SH3GL3: variants seen among roughly 807,000 people sequenced by gnomAD.
SH3GL3 encodes the protein SH3 domain containing GRB2 like 3, endophilin A3, also known as endophilin-A3.
A neutral mutation model predicts 47.7 loss-of-function variants in SH3GL3; 33 were observed. That is an observed-to-expected ratio of 0.69 (90% confidence interval 0.52 to 0.92). SH3GL3 has a LOEUF of 0.92. SH3GL3 is among the 40% of genes least tolerant of loss of function. The pLI, the probability that SH3GL3 is intolerant of heterozygous loss-of-function variation, is 0.00. For missense variants in SH3GL3, 363 were observed against 417.8 expected (o/e 0.87, Z 1.14); for synonymous variants, 155 against 148.8 (o/e 1.04, Z -0.30).
chr15:83,562,487 A>G (rs2045338139), intron 2 of SH3GL3, among the ~76,000 whole-genome samples: 1 of 152,180 alleles, frequency 6.6e-6, no homozygotes, highest in Non-Finnish European at 1.5e-5. Context: ...GTTATATTTT[A>G]ATTAATATCT....
intron 1 of SH3GL3, among the ~76,000 whole-genome samples, chr15:83,498,883 C>T (rs960125219): frequency 6.6e-6 from 1 of 152,176 alleles, no homozygotes; most frequent in Admixed American, 6.5e-5. Flanking sequence ...TCTGGAGCTA[C>T]TTGGAAGTTT....
chr15:83,589,625 C>A (rs544014567), intron 8 of SH3GL3, among the ~76,000 whole-genome samples: 4 of 152,204 alleles, frequency 2.6e-5, no homozygotes, highest in Non-Finnish European at 5.9e-5. Context: ...AATCCTTCTG[C>A]CTCGGCCTTC....
At chr15:83,565,100 CA>C (rs1428270848) in intron 2 of SH3GL3, 33 bp from the exon 3 acceptor site, 1 of 922,456 alleles carries the variant, frequency 1.1e-6, no homozygotes, top group Non-Finnish European at 1.7e-6. Context: ...TTGAGTTTGT[CA>C]TTTACTAACT....
intron 1 of SH3GL3, among the ~76,000 whole-genome samples, chr15:83,517,195 CTTTTCTTTTCTTTTTTT>C (rs1457920061): frequency 7.8e-6 from 1 of 128,402 alleles, no homozygotes; most frequent in African/African-American, 2.8e-5. Flanking sequence ...TTTTCTTTTT[CTTTTCTTTTCTTTTTTT>C]TTTTTTTTTT....
intron 8 of SH3GL3, among the ~76,000 whole-genome samples, chr15:83,614,570 A>G (rs905660606): frequency 1.3e-5 from 2 of 152,032 alleles, no homozygotes; most frequent in Non-Finnish European, 2.9e-5. Context: ...GTGGTTGTCA[A>G]CCTACCCTGG....
intron 1 of SH3GL3, among the ~76,000 whole-genome samples, chr15:83,517,997 C>T (rs1029819232): frequency 1.3e-5 from 2 of 152,098 alleles, no homozygotes; most frequent in Admixed American, 1.3e-4. Context: ...TGAGAACATG[C>T]AGTATTTGGT....
intron 1 of SH3GL3, among the ~76,000 whole-genome samples, chr15:83,476,844 G>A (rs920267044): frequency 6.6e-6 from 1 of 152,180 alleles, no homozygotes; most frequent in African/African-American, 2.4e-5. Context: ...TATAAGTCTG[G>A]GCAATTGAAG....
chr15:83,588,775 A>C lies in SH3GL3; in HGVS notation c.838+4A>C. On this transcript the variant is annotated splice_donor_region_variant and intron_variant, in intron 8 of 8. Coordinates refer to ENST00000427482, the MANE Select transcript of SH3GL3 (RefSeq NM_003027.5). ...ACCTCTGTAGTGAAGACGACAGGTA[A>C]GTTGACCATTCTAATATGCTAAGTG... 2 of 1,478,640 alleles carry C rather than the reference A, an allele frequency of 1.4e-6. No homozygotes were observed. The highest frequency in any genetic ancestry group is 1.9e-6 in the Non-Finnish European group (2 of 1,056,390). 91.6% of individuals were successfully genotyped at this position (1,478,640 alleles called of 1,614,324 possible). A position where few individuals can be genotyped will look rare whatever the true frequency, so the allele number is the denominator to read the frequency against.
rs376233303 is a variant in SH3GL3 at position 83,507,150 on chromosome 15, C to T, written c.46-52103C>T. ...CCTCCCAAGTAGCTGGGACTACAGG[C>T]GCCCACCACCATGCCTGGCTAATTT... is the stretch of plus-strand genomic sequence containing the variant. On this transcript the variant is annotated intron_variant, in intron 1 of 8. Coordinates refer to ENST00000427482, the MANE Select transcript of SH3GL3 (RefSeq NM_003027.5). Among the ~76,000 whole-genome samples the T allele has an allele frequency of 5.9e-5, 9 of 151,694 alleles. No homozygotes were observed. In the East Asian group the frequency reaches 1.4e-3, roughly 23 times the overall value.
At chr15:83,591,802 C>T (rs995742241) in intron 8 of SH3GL3, among the ~76,000 whole-genome samples, 6 of 152,296 alleles carry the variant, frequency 3.9e-5, no homozygotes, top group African/African-American at 1.2e-4. Flanking sequence ...TCTCCTGCCT[C>T]GGCCCCCCGA....
intron 3 of SH3GL3, among the ~76,000 whole-genome samples, chr15:83,567,381 A>G (rs762986385): frequency 5.3e-5 from 8 of 152,214 alleles, no homozygotes; most frequent in Non-Finnish European, 8.8e-5. Context: ...CCCAGTAACT[A>G]GACTTTGAGC....
chr15:83,567,955 T>G (rs1312457510), intron 3 of SH3GL3, among the ~76,000 whole-genome samples: 2 of 148,282 alleles, frequency 1.3e-5, no homozygotes, highest in Non-Finnish European at 3.0e-5. Context: ...GCCCCATCAT[T>G]TCTTTTTTTT....
chr15:83,581,287 G>A (rs893588101), intron 6 of SH3GL3, among the ~76,000 whole-genome samples: 2 of 152,178 alleles, frequency 1.3e-5, no homozygotes, highest in African/African-American at 4.8e-5. Flanking sequence ...CCAGGGTGTG[G>A]TTGTTCACTG....
At chr15:83,625,935 C>T in the SH3GL3 span, among the ~76,000 whole-genome samples, 6 of 152,026 alleles carry the variant, frequency 3.9e-5, no homozygotes, top group East Asian at 3.9e-4. Context: ...TGGGTTCAAA[C>T]GATTCTCCTG....
In SH3GL3 at chr15:83,447,951, C is replaced by G. The variant is rs529096343; in HGVS notation, c.45+373C>G. 4.5e-4 allele frequency among the ~76,000 whole-genome samples: 69 copies of G among 152,250 alleles called. No homozygotes were observed. The highest frequency in any genetic ancestry group is 1.6e-3 in the African/African-American group (66 of 41,554). On this transcript the variant is annotated intron_variant, in intron 1 of 8. Coordinates refer to ENST00000427482, the MANE Select transcript of SH3GL3 (RefSeq NM_003027.5). This position sits in a 1 kb window ranked among gnomAD's most constrained non-coding sequence, Gnocchi z 5.1. ...AGTACGATGCCGGCAGGGCCTCCCC[C>G]GAGTCTCCAGCCGTTTGGTTGGGAG... is the stretch of plus-strand genomic sequence containing the variant.
chr15:83,513,791 G>A (rs2042871612), intron 1 of SH3GL3, among the ~76,000 whole-genome samples: 1 of 152,164 alleles, frequency 6.6e-6, no homozygotes, highest in Non-Finnish European at 1.5e-5. Flanking sequence ...AGCAACCTGA[G>A]CAGAAAATCA....
At chr15:83,555,191 AC>A (rs2044882104) in intron 1 of SH3GL3, among the ~76,000 whole-genome samples, 2 of 152,132 alleles carry the variant, frequency 1.3e-5, no homozygotes, top group African/African-American at 4.8e-5. Context: ...ACTATATAAT[AC>A]TTTTTGTTTC....
chr15:83,561,060 T>G (rs2045244607), intron 2 of SH3GL3, among the ~76,000 whole-genome samples: 1 of 152,104 alleles, frequency 6.6e-6, no homozygotes. Flanking sequence ...ACCTCTCTCA[T>G]AAAATAATAG....
intron 3 of SH3GL3, among the ~76,000 whole-genome samples, chr15:83,567,456 C>G (rs918960730): frequency 2.6e-5 from 4 of 152,008 alleles, no homozygotes; most frequent in African/African-American, 9.7e-5. Context: ...TGCACAGGGC[C>G]CAGTGCAACA....
Sources: allele counts gnomAD v4.1 joint callset (sites outside exome capture counted in the v4.1 genomes callset), GRCh38; gene constraint gnomAD v4.1.1; non-coding constraint Gnocchi (gnomAD v3.1); transcripts MANE v1.5; gene names NCBI Gene and HGNC (gene_info 2026-07-23, HGNC 2026-07-21).